The following NOS1 variants were observed in gnomAD, a reference collection of about 807,000 sequenced individuals.
NOS1 encodes nitric oxide synthase 1.
A neutral mutation model predicts 164.5 loss-of-function variants in NOS1; 51 were observed. That is an observed-to-expected ratio of 0.31 (90% CI 0.25 to 0.39). The LOEUF is 0.39. NOS1 is among the 10% of genes least tolerant of loss of function. NOS1 has a pLI of 1.00. For missense variants in NOS1, 1,362 were observed against 1,885.6 expected (o/e 0.72, Z 5.14); for synonymous variants, 719 against 745.8 (o/e 0.96, Z 0.59).
intron 1 of NOS1, among the ~76,000 whole-genome samples, chr12:117,340,824 A>G (rs941386685): frequency 1.3e-5 from 2 of 150,852 alleles, no homozygotes; most frequent in African/African-American, 4.9e-5. Flanking sequence ...CCCAGGTTCA[A>G]GTGATCCTCC....
chr12:117,218,064 C>T lies in NOS1; in HGVS notation c.4271G>A (p.Ser1424Asn). The change falls in exon 28 of 29, where the codon AGC becomes AAC. Residue 1424 changes from serine (S) to asparagine (N), a missense_variant. Around this residue, in one of 4 missense-constraint regions of NOS1, gnomAD observed 737 missense variants for 1,030.3 expected, o/e 0.72. Coordinates refer to ENST00000317775, the MANE Select transcript of NOS1 (RefSeq NM_000620.5). ...AGCTTACTCATCGGTGTCTTTTTTGCTCTCTTCAATGAAGGCAATGGACTC... is the reference window on the plus strand; with the variant it reads ...AGCTTACTCATCGGTGTCTTTTTTGTTCTCTTCAATGAAGGCAATGGACTC... ...RSESIAFIEE[S>N]KKDTDEVFSS is the part of the protein sequence containing the mutation. 1 of 1,613,698 alleles carries T rather than the reference C, an allele frequency of 6.2e-7. No homozygotes were observed. Among genetic ancestry groups the T allele is most frequent in the South Asian group, 1.1e-5 (1 of 91,052 alleles).
At chr12:117,300,260 C>G (rs1349833643) in intron 3 of NOS1, among the ~76,000 whole-genome samples, 1 of 152,138 alleles carries the variant, frequency 6.6e-6, no homozygotes, top group Non-Finnish European at 1.5e-5. Flanking sequence ...TATGGGGTGA[C>G]GCAGTGAAGG....
chr12:117,250,231 C>A, intron 17 of NOS1, among the ~76,000 whole-genome samples: 1 of 152,030 alleles, frequency 6.6e-6, no homozygotes. Flanking sequence ...CATATTGTAA[C>A]ATTTCATCTT....
At chr12:117,265,612 G>C (rs1872326880) in intron 11 of NOS1, 102 bp from the exon 12 acceptor site, 1 of 846,928 alleles carries the variant, frequency 1.2e-6, no homozygotes, top group Non-Finnish European at 1.7e-6. Context: ...TGGTCCCTGA[G>C]ATGGTTTAGA....
chr12:117,320,663 G>C (rs2136063843), intron 2 of NOS1, among the ~76,000 whole-genome samples: 1 of 152,308 alleles, frequency 6.6e-6, no homozygotes, highest in Admixed American at 6.5e-5. Flanking sequence ...CGGGGACAGG[G>C]ATGACAGTAG....
chr12:117,335,284 G>C (rs891236534), intron 1 of NOS1, among the ~76,000 whole-genome samples: 36 of 152,138 alleles, frequency 2.4e-4, no homozygotes, highest in Admixed American at 1.6e-3. Context: ...CGGTCTGGGT[G>C]GGGGGCACCG....
intron 19 of NOS1, 109 bp from the exon 20 acceptor site, chr12:117,242,814 G>A (rs1870295079): frequency 8.8e-6 from 8 of 909,566 alleles, no homozygotes; most frequent in African/African-American, 4.9e-5. Context: ...TACTTAGGAG[G>A]CTGAGGTGGG....
At chr12:117,262,569 G>T (rs1329271521) in intron 13 of NOS1, among the ~76,000 whole-genome samples, 1 of 151,968 alleles carries the variant, frequency 6.6e-6, no homozygotes. Flanking sequence ...AATGGAGCCA[G>T]GACCTAGGTT....
At chr12:117,299,911 G>A (rs1484949437) in intron 3 of NOS1, among the ~76,000 whole-genome samples, 1 of 151,830 alleles carries the variant, frequency 6.6e-6, no homozygotes, top group African/African-American at 2.4e-5. Context: ...CCCATTACCA[G>A]ACCAGAATGT....
intron 16 of NOS1, among the ~76,000 whole-genome samples, chr12:117,256,680 A>G (rs1871485157): frequency 1.3e-5 from 2 of 152,144 alleles, no homozygotes. Flanking sequence ...ATGCTGGAGC[A>G]AATACTGAGT....
At chr12:117,256,799 C>T (rs977995929) in intron 16 of NOS1, among the ~76,000 whole-genome samples, 4 of 151,382 alleles carry the variant, frequency 2.6e-5, no homozygotes, top group Admixed American at 6.6e-5. Context: ...TGTCATGGTG[C>T]GGTGGCTCAG....
chr12:117,341,712 G>A (rs951257435), intron 1 of NOS1, among the ~76,000 whole-genome samples: 3 of 152,070 alleles, frequency 2.0e-5, no homozygotes, highest in South Asian at 2.1e-4. Flanking sequence ...GGGGTCAAAG[G>A]CATGAATTTG....
chr12:117,302,031 C>T (rs1873846147), intron 3 of NOS1: 1 of 456,610 alleles, frequency 2.2e-6, no homozygotes, highest in Non-Finnish European at 4.4e-6. Flanking sequence ...ATGTGACCCT[C>T]GTTGAGCACC....
intron 1 of NOS1, among the ~76,000 whole-genome samples, chr12:117,351,875 A>G (rs1876634165): frequency 6.6e-6 from 1 of 152,196 alleles, no homozygotes; most frequent in African/African-American, 2.4e-5. Context: ...CATCATCCAG[A>G]GGGGTCTAAA....
intron 1 of NOS1, among the ~76,000 whole-genome samples, chr12:117,342,336 TA>T (rs1368559073): frequency 6.6e-6 from 1 of 151,960 alleles, no homozygotes; most frequent in African/African-American, 2.4e-5. Context: ...ATATTAGTGA[TA>T]AAAACAATGA....
chr12:117,214,441 T>C lies in NOS1; in HGVS notation c.*868A>G. On this transcript the variant is annotated 3_prime_UTR_variant, in exon 29 of 29. Coordinates refer to ENST00000317775, the MANE Select transcript of NOS1 (RefSeq NM_000620.5). ...CTGGAGGAGGGGGTCAGTCAATGGATGTGGCAAAGTCAAGTGATTCTAGCT... is the reference window on the plus strand; with the variant it reads ...CTGGAGGAGGGGGTCAGTCAATGGACGTGGCAAAGTCAAGTGATTCTAGCT... The C allele has an allele frequency of 1.0e-6, 1 of 985,238 alleles. No individual in the cohort carries two copies. Among genetic ancestry groups the C allele is most frequent in the Non-Finnish European group, 1.2e-6 (1 of 829,906 alleles). The allele number at this position is 985,238 out of a possible 1,614,324, so 61.0% of individuals were successfully genotyped here. A position where few individuals can be genotyped will look rare whatever the true frequency, so the allele number is the denominator to read the frequency against.
At chr12:117,321,316 T>G (rs1480930471) in intron 2 of NOS1, among the ~76,000 whole-genome samples, 4 of 152,206 alleles carry the variant, frequency 2.6e-5, no homozygotes, top group Non-Finnish European at 5.9e-5. Flanking sequence ...GGCCTATTTA[T>G]TTTTGATTTC....
chr12:117,322,562 C>T (rs1342881668), intron 2 of NOS1, among the ~76,000 whole-genome samples: 1 of 126,144 alleles, frequency 7.9e-6, no homozygotes, highest in Admixed American at 8.2e-5. Flanking sequence ...CTTCCCTGTC[C>T]CTCCTCCCCT....
intron 28 of NOS1, among the ~76,000 whole-genome samples, chr12:117,217,007 G>A (rs1312074048): frequency 6.6e-6 from 1 of 152,144 alleles, no homozygotes; most frequent in African/African-American, 2.4e-5. Flanking sequence ...GGGGTTCTGT[G>A]GCAGGGACTG....
Sources: allele counts gnomAD v4.1 joint callset (sites outside exome capture counted in the v4.1 genomes callset), GRCh38; gene constraint gnomAD v4.1.1; regional missense constraint gnomAD v4.1.1; transcripts MANE v1.5; gene names NCBI Gene and HGNC (gene_info 2026-07-23, HGNC 2026-07-21).